The following C2orf92 variants were observed in gnomAD, a reference collection of about 807,000 sequenced individuals.
The protein encoded by C2orf92 is chromosome 2 open reading frame 92.
chr2:97,690,147 A>G (rs116632326), intron 4 of C2orf92, 109 bp from the exon 5 acceptor site: 4,077 of 373,202 alleles, frequency 0.011, 44 homozygotes, highest in Non-Finnish European at 0.013. Flanking sequence ...AAAAAAAACC[A>G]CAAAAAAACC....
intron 3 of C2orf92, among the ~76,000 whole-genome samples, chr2:97,676,449 GAAAAAAA>G (rs58388976): frequency 1.0e-5 from 1 of 99,156 alleles, no homozygotes; most frequent in Non-Finnish European, 1.8e-5. Flanking sequence ...AAAAAAAAAA[GAAAAAAA>G]AAAAAAAAAA....
chr2:97,681,106 C>CAAAAAAAAAAAAA (rs58856044), intron 3 of C2orf92, among the ~76,000 whole-genome samples: 1 of 11,968 alleles, frequency 8.4e-5, no homozygotes, highest in Non-Finnish European at 2.5e-4. Flanking sequence ...GACTCCATCT[C>CAAAAAAAAAAAAA]AAAAAAAAAA....
chr2:97,674,982 C>T (rs533989716), intron 2 of C2orf92, among the ~76,000 whole-genome samples: 7 of 152,254 alleles, frequency 4.6e-5, no homozygotes, highest in South Asian at 4.2e-4. Flanking sequence ...TGTCTTCCTG[C>T]GTCCCTCCCT....
At chr2:97,679,837 CAAAAAAAAA>C (rs55696146) in intron 3 of C2orf92, among the ~76,000 whole-genome samples, 1 of 94,758 alleles carries the variant, frequency 1.1e-5, no homozygotes, top group Non-Finnish European at 1.9e-5. Context: ...AACTCTATCT[CAAAAAAAAA>C]AAAAAAAGAA....
chr2:97,699,915 G>C (rs1676436920), intron 6 of C2orf92, among the ~76,000 whole-genome samples: 1 of 152,228 alleles, frequency 6.6e-6, no homozygotes, highest in African/African-American at 2.4e-5. Flanking sequence ...ATAGCTGAAG[G>C]TAGGAGGCTG....
At chr2:97,670,418 A>G (rs1276376155) in intron 1 of C2orf92, 2 of 151,970 alleles carry the variant, frequency 1.3e-5, no homozygotes, top group Non-Finnish European at 2.9e-5. Context: ...CTTGAGCCCA[A>G]AAAGTCGAGG....
At chr2:97,690,661 G>A (rs1444109016) in intron 5 of C2orf92, among the ~76,000 whole-genome samples, 1 of 151,924 alleles carries the variant, frequency 6.6e-6, no homozygotes, top group Non-Finnish European at 1.5e-5. Context: ...GATGACAGGT[G>A]TGAGCCACCG....
At chr2:97,681,408 A>C (rs76180606) in intron 3 of C2orf92, among the ~76,000 whole-genome samples, 8,845 of 152,274 alleles carry the variant, frequency 0.058, 341 homozygotes, top group Middle Eastern at 0.16. Flanking sequence ...ATTTACACAC[A>C]TGGAGATTAA....
intron 5 of C2orf92, among the ~76,000 whole-genome samples, chr2:97,695,124 G>T (rs1460892178): frequency 6.6e-6 from 1 of 152,070 alleles, no homozygotes; most frequent in Non-Finnish European, 1.5e-5. Context: ...TTATTCTGTT[G>T]ACACTGTCTT....
At chr2:97,685,269 CTTT>C (rs200476324) in intron 3 of C2orf92, among the ~76,000 whole-genome samples, 3 of 129,834 alleles carry the variant, frequency 2.3e-5, no homozygotes, top group African/African-American at 2.8e-5. Context: ...TTCTTTCTTT[CTTT>C]TTTTTTTTTT....
chr2:97,690,791 T>G (rs147086199), intron 5 of C2orf92, among the ~76,000 whole-genome samples: 2,155 of 149,860 alleles, frequency 0.014, 15 homozygotes, highest in Non-Finnish European at 0.015. Context: ...TTTTTGTTTT[T>G]TTTTTTGAGA....
In C2orf92 at chr2:97,669,810, T is replaced by C. The variant is rs1010533992; in HGVS notation, c.22T>C (p.Phe8Leu). Reference sequence around the variant, plus strand: ...AAAGATGAGCAGAGCCATGGCCCTCTTCTTTGTTCTCTGCTGGATCCAAGG... The same window carrying C: ...AAAGATGAGCAGAGCCATGGCCCTCCTCTTTGTTCTCTGCTGGATCCAAGG... The part of the protein sequence containing the change: MSRAMAL[F>L]FVLCWIQDEI... The change falls in exon 1 of 8, where the codon TTC (phenylalanine) becomes CTC (leucine). Residue 8 changes from phenylalanine (F) to leucine (L), a missense_variant. Phe to Leu is a conservative substitution (Grantham distance 22). Coordinates refer to ENST00000627399, the MANE Select transcript of C2orf92 (RefSeq NM_001351368.2). 2.5e-6 allele frequency: 1 copy of C among 398,650 alleles called. No individual in the cohort carries two copies. The highest frequency in any genetic ancestry group is 4.4e-6 in the Non-Finnish European group (1 of 226,064). The allele number at this position is 398,650 out of a possible 1,614,324, so 24.7% of individuals were successfully genotyped here. A position where few individuals can be genotyped will look rare whatever the true frequency, so the allele number is the denominator to read the frequency against.
chr2:97,668,684 C>T (rs116973802), upstream of C2orf92: 512 of 152,486 alleles, frequency 3.4e-3, 12 homozygotes, highest in East Asian at 0.048. Flanking sequence ...GACAGAGTCT[C>T]GCCCGGTTGC....
At chr2:97,668,551 A>G (rs1426618401), upstream of C2orf92, 1 of 152,292 alleles carries the variant, frequency 6.6e-6, no homozygotes. Flanking sequence ...AGCCCTGCTG[A>G]CGTCTTGATC....
chr2:97,674,697 A>C (rs1675519995), intron 2 of C2orf92, 140 bp downstream of exon 2: 1 of 394,820 alleles, frequency 2.5e-6, no homozygotes, highest in South Asian at 1.4e-4. Context: ...CTGAGATGTG[A>C]AGAACTCTCT....
Position 97,699,985 on chromosome 2 carries a change from A to G in C2orf92, c.514+849A>G, listed in dbSNP as rs183301077. Among the ~76,000 whole-genome samples the G allele has an allele frequency of 1.1e-4, 16 of 152,358 alleles. No individual in the cohort carries two copies. In the East Asian group the frequency reaches 3.1e-3, roughly 29 times the overall value. ...ACCCTTGCTCAGCACTCTGCTGTCT[A>G]CATAACCGGCTGCCCTGGGCAGCTC... On this transcript the variant is annotated intron_variant, in intron 6 of 7. Transcript: ENST00000627399.
intron 5 of C2orf92, chr2:97,694,415 ATT>A (rs60768687): frequency 2.4e-4 from 31 of 129,878 alleles, no homozygotes; most frequent in African/African-American, 3.8e-4. Context: ...CGCCCGGCTA[ATT>A]TTTTTTTTTT....
intron 5 of C2orf92, among the ~76,000 whole-genome samples, chr2:97,691,829 A>G (rs1218255262): frequency 2.0e-5 from 3 of 152,176 alleles, no homozygotes; most frequent in Non-Finnish European, 4.4e-5. Context: ...CAGAGGTTGC[A>G]GCGAGCTGAG....
chr2:97,692,668 C>T (rs906076780), intron 5 of C2orf92, among the ~76,000 whole-genome samples: 1 of 152,172 alleles, frequency 6.6e-6, no homozygotes, highest in African/African-American at 2.4e-5. Flanking sequence ...CCTTGGCCTC[C>T]CAAAGTGCTG....
Sources: allele counts gnomAD v4.1 joint callset (sites outside exome capture counted in the v4.1 genomes callset), GRCh38; gene constraint gnomAD v4.1.1; transcripts MANE v1.5; gene names NCBI Gene and HGNC (gene_info 2026-07-23, HGNC 2026-07-21).